ANXA4: variants seen among roughly 807,000 people sequenced by gnomAD.
ANXA4 encodes the protein annexin A4.
In ANXA4, 39 loss-of-function variants were observed where a neutral mutation model predicts 49.8. The ratio of observed to expected loss-of-function variants is 0.78; its 90% CI spans 0.61 to 1.02. ANXA4 has a LOEUF of 1.02. Among genes scored for constraint, ANXA4 ranks in the 50% least tolerant of loss-of-function variants. The probability of loss-of-function intolerance (pLI) is 0.00; values close to 1 mark genes in which losing one functional copy is unlikely to be tolerated. For synonymous variants in ANXA4, 134 were observed against 152.5 expected, an observed-to-expected ratio of 0.88 and a Z score of 0.89; for missense variants, 360 against 410.1, an observed-to-expected ratio of 0.88 and a Z score of 1.05.
chr2:69,712,176 C>T (rs1313117411), intron 2 of ANXA4, among the ~76,000 whole-genome samples: 2 of 151,954 alleles, frequency 1.3e-5, no homozygotes, highest in Admixed American at 1.3e-4. Flanking sequence ...TTCCCCAACC[C>T]CACCCCACCA....
At chr2:69,766,128 A>C (rs1671483954) in intron 1 of ANXA4, among the ~76,000 whole-genome samples, 1 of 152,248 alleles carries the variant, frequency 6.6e-6, no homozygotes, top group Non-Finnish European at 1.5e-5. Context: ...TGACCAAAAG[A>C]ACCACAAAGG....
At chr2:69,660,092 C>T (rs1409181521) in intron 2 of ANXA4, among the ~76,000 whole-genome samples, 1 of 152,044 alleles carries the variant, frequency 6.6e-6, no homozygotes, top group East Asian at 1.9e-4. Flanking sequence ...TGTGTGTATG[C>T]ATGTATGCAC....
rs112349436 is a variant in ANXA4, at chr2:69,735,302, A to G, written n.864+14431A>G. On this transcript the variant is annotated intron_variant and non_coding_transcript_variant, in intron 3 of 3. Coordinates refer to the ANXA4 transcript ENST00000418066. ...TGGATCTGACAAGCAGTTAACTATG[A>G]ACAAAGAAGATGTGCAACCTCCTTG... 5.4e-3 allele frequency among the ~76,000 whole-genome samples: 820 copies of G among 152,310 alleles called. 6 individuals carry two copies. The highest frequency in any genetic ancestry group is 0.019 in the African/African-American group (788 of 41,568).
At chr2:69,746,231 C>G (rs867144204) in intron 1 of ANXA4, among the ~76,000 whole-genome samples, 1 of 151,950 alleles carries the variant, frequency 6.6e-6, no homozygotes, top group Non-Finnish European at 1.5e-5. Context: ...AGGGTGGTCT[C>G]AAACCCCTGA....
At chr2:69,693,168 C>G (rs1207258166) in intron 2 of ANXA4, among the ~76,000 whole-genome samples, 1 of 152,132 alleles carries the variant, frequency 6.6e-6, no homozygotes, top group Non-Finnish European at 1.5e-5. Context: ...TAGTGAACCT[C>G]CCCTTTTTTG....
At chr2:69,686,838 G>A (rs1448083916) in intron 2 of ANXA4, among the ~76,000 whole-genome samples, 1 of 152,238 alleles carries the variant, frequency 6.6e-6, no homozygotes, top group African/African-American at 2.4e-5. Context: ...TTGCAAGTTT[G>A]TGCACATGGG....
At chr2:69,807,881 C>T (rs1319495087) in intron 5 of ANXA4, 25 bp from the exon 6 acceptor site, 1 of 1,607,002 alleles carries the variant, frequency 6.2e-7, no homozygotes, top group Non-Finnish European at 8.5e-7. Flanking sequence ...GCTCATATAG[C>T]CCTGTCCTCT....
chr2:69,775,930 A>G (rs967121152), intron 1 of ANXA4, among the ~76,000 whole-genome samples: 9 of 151,176 alleles, frequency 6.0e-5, no homozygotes, highest in African/African-American at 2.2e-4. Context: ...GGCTTCTATC[A>G]TTTTCTTCCA....
rs145492712 is a variant in ANXA4, at chr2:69,686,733, G to A, written n.766+33451G>A. On this transcript the variant is annotated intron_variant and non_coding_transcript_variant, in intron 2 of 3. Transcript: ENST00000418066. ...GGCCTCCCAGAGGGCTGGGATTACA[G>A]ACGTTAACCACCTTGCCCAGCATAA... Among the ~76,000 whole-genome samples the A allele has an allele frequency of 3.3e-5, 5 of 152,338 alleles. No individual in the cohort carries two copies. The East Asian group carries it at 9.6e-4, about 29-fold the overall frequency.
At chr2:69,793,109 G>A (rs553750990) in intron 3 of ANXA4, among the ~76,000 whole-genome samples, 4 of 152,172 alleles carry the variant, frequency 2.6e-5, no homozygotes, top group African/African-American at 9.6e-5. Context: ...AAAATTAGAT[G>A]GATGTGGTGG....
intron 1 of ANXA4, among the ~76,000 whole-genome samples, chr2:69,780,206 CTCTTT>C (rs1187568576): frequency 6.6e-6 from 1 of 152,096 alleles, no homozygotes; most frequent in African/African-American, 2.4e-5. Flanking sequence ...TTCTATCTCT[CTCTTT>C]TGAGACAGTG....
intron 2 of ANXA4, among the ~76,000 whole-genome samples, chr2:69,657,143 C>T (rs374340500): frequency 2.6e-5 from 4 of 151,744 alleles, no homozygotes; most frequent in Admixed American, 1.3e-4. Flanking sequence ...TACAGGCACC[C>T]GCCACCATGC....
chr2:69,716,694 T>TCATAA (rs1669650388), intron 2 of ANXA4, among the ~76,000 whole-genome samples: 1 of 152,104 alleles, frequency 6.6e-6, no homozygotes, highest in Non-Finnish European at 1.5e-5. Context: ...ATGAGGCTGC[T>TCATAA]CCGGGAATCC....
chr2:69,732,809 A>G (rs1670141207), intron 3 of ANXA4, among the ~76,000 whole-genome samples: 1 of 152,184 alleles, frequency 6.6e-6, no homozygotes, highest in African/African-American at 2.4e-5. Flanking sequence ...GACCTTAGTC[A>G]AGAAGCGGTG....
At chr2:69,804,913 T>G (rs1333046012) in intron 4 of ANXA4, among the ~76,000 whole-genome samples, 6 of 151,684 alleles carry the variant, frequency 4.0e-5, no homozygotes, top group Non-Finnish European at 8.8e-5. Flanking sequence ...CCGGGCATGG[T>G]GCTGAGCACC....
upstream of ANXA4, among the ~76,000 whole-genome samples, chr2:69,738,636 TAAG>T (rs1389462734): frequency 1.3e-5 from 2 of 152,116 alleles, no homozygotes; most frequent in Non-Finnish European, 2.9e-5. Flanking sequence ...CAAGCGTGCA[TAAG>T]AAGGCTTGTA....
At chr2:69,764,964 ACTTAG>A (rs77269526) in intron 1 of ANXA4, among the ~76,000 whole-genome samples, 28,287 of 151,754 alleles carry the variant, frequency 0.19, 3,003 homozygotes, top group East Asian at 0.35. Flanking sequence ...GGCTTATTTC[ACTTAG>A]CTTAGTGTCC....
intron 2 of ANXA4, among the ~76,000 whole-genome samples, chr2:69,677,993 T>C (rs1677465127): frequency 6.6e-6 from 1 of 152,220 alleles, no homozygotes; most frequent in Non-Finnish European, 1.5e-5. Flanking sequence ...GACTACAGTA[T>C]GGTGCAAACA....
intron 2 of ANXA4, among the ~76,000 whole-genome samples, chr2:69,677,042 T>C (rs1057423346): frequency 1.3e-5 from 2 of 152,106 alleles, no homozygotes; most frequent in African/African-American, 4.8e-5. Context: ...CTCAAACTCC[T>C]TGGCCTCAAG....
Sources: gnomAD v4.1 joint callset for allele counts (sites outside exome capture counted in the v4.1 genomes callset) on GRCh38, gnomAD v4.1.1 for gene constraint, MANE v1.5 for transcripts, NCBI Gene and HGNC (gene_info 2026-07-23, HGNC 2026-07-21) for gene names.